NTN1: variants seen among roughly 807,000 people sequenced by gnomAD.
NTN1 encodes netrin 1.
Under a neutral mutation model 54.2 loss-of-function variants are expected in NTN1, and 11 were observed. The ratio of observed to expected loss-of-function variants is 0.20; its 90% CI spans 0.13 to 0.34. NTN1 has a LOEUF of 0.34. NTN1 is among the 10% of genes least tolerant of loss of function. The pLI is 1.00. For synonymous variants in NTN1, 371 were observed against 382.0 expected (o/e 0.97, Z 0.33); for missense variants, 740 against 893.1 (o/e 0.83, Z 2.18).
intron 2 of NTN1, among the ~76,000 whole-genome samples, chr17:9,126,496 A>G (rs2092247749): frequency 6.6e-6 from 1 of 152,032 alleles, no homozygotes; most frequent in Non-Finnish European, 1.5e-5. Flanking sequence ...GGGTGACAAG[A>G]GCGAAACTCC....
At chr17:9,216,816 G>T (rs1370743190) in intron 5 of NTN1, among the ~76,000 whole-genome samples, 1 of 152,216 alleles carries the variant, frequency 6.6e-6, no homozygotes, top group African/African-American at 2.4e-5. Flanking sequence ...GCCAAGGCGG[G>T]TGGATCATGA....
intron 2 of NTN1, among the ~76,000 whole-genome samples, chr17:9,137,277 T>A (rs1428180613): frequency 6.6e-6 from 1 of 152,190 alleles, no homozygotes; most frequent in Non-Finnish European, 1.5e-5. Context: ...GTCTCCTGTT[T>A]GTTCTGTATT....
chr17:9,145,082 A>T (rs907794218), intron 2 of NTN1, among the ~76,000 whole-genome samples: 1 of 152,220 alleles, frequency 6.6e-6, no homozygotes, highest in Admixed American at 6.5e-5. Flanking sequence ...AGGCAGGCGC[A>T]TGAAATCCGA....
chr17:9,068,730 A>G (rs1448356773), intron 2 of NTN1, among the ~76,000 whole-genome samples: 2 of 151,678 alleles, frequency 1.3e-5, no homozygotes, highest in African/African-American at 2.4e-5. Flanking sequence ...CTGGTCTCGA[A>G]CTCCTGACCT....
Position 9,211,962 on chromosome 17 carries a change from A to G in NTN1, c.1412-9206A>G, listed in dbSNP as rs1270541694. ...ACAAACATTTTGGGCTTGCTTCTAG[A>G]CCCTTACTTCCATAGGTTGCTAAGC... On this transcript the variant is annotated intron_variant, in intron 5 of 6. Coordinates refer to ENST00000173229, the MANE Select transcript of NTN1 (RefSeq NM_004822.3). This position sits in a 1 kb window ranked among gnomAD's most constrained non-coding sequence, Gnocchi z 4.4. 6.6e-6 allele frequency among the ~76,000 whole-genome samples: 1 copy of G among 152,076 alleles called. No individual in the cohort carries two copies. Among genetic ancestry groups the G allele is most frequent in the Non-Finnish European group, 1.5e-5 (1 of 68,010 alleles).
At chr17:9,124,776 C>T (rs935807162) in intron 2 of NTN1, among the ~76,000 whole-genome samples, 10 of 152,210 alleles carry the variant, frequency 6.6e-5, no homozygotes, top group African/African-American at 2.4e-4. Flanking sequence ...AGGGATTGAG[C>T]TCCCAAAACC....
upstream of NTN1, among the ~76,000 whole-genome samples, chr17:9,018,540 A>G (rs952273024): frequency 7.3e-5 from 11 of 150,240 alleles, no homozygotes; most frequent in African/African-American, 2.7e-4. Context: ...AGGCTGAGGC[A>G]GGAGAATCGC....
At chr17:9,132,076 A>G (rs1423636510) in intron 2 of NTN1, among the ~76,000 whole-genome samples, 1 of 151,734 alleles carries the variant, frequency 6.6e-6, no homozygotes, top group African/African-American at 2.4e-5. Context: ...CTCTGTTTCA[A>G]TACTCTGTCC....
At chr17:9,026,397 G>C (rs539661346) in intron 2 of NTN1, among the ~76,000 whole-genome samples, 6 of 150,334 alleles carry the variant, frequency 4.0e-5, no homozygotes, top group South Asian at 2.1e-4. Flanking sequence ...CTTCCGGGGG[G>C]GGGGAACAAA....
intron 2 of NTN1, among the ~76,000 whole-genome samples, chr17:9,122,367 C>T (rs2092234221): frequency 3.3e-5 from 5 of 152,204 alleles, no homozygotes; most frequent in Admixed American, 3.3e-4. Flanking sequence ...CAGCAACACT[C>T]CCCTAAACTC....
At position 9,022,591 on chromosome 17, in the gene NTN1, C is replaced by T. The variant is rs1370917223; in HGVS notation, c.218C>T (p.Pro73Leu). The T allele has an allele frequency of 8.4e-6, 13 of 1,545,912 alleles. No homozygotes were observed. The East Asian group carries it at 2.0e-4, about 23-fold the overall frequency. ...CGCGTGTCCAGCACCTGCGGCCGGC[C>T]CCCGGCGCGCTACTGCGTGGTGAGC... is the stretch of plus-strand genomic sequence containing the variant. Reference protein sequence around the residue: ...DVRVSSTCGRPPARYCVVSER... With the variant: ...DVRVSSTCGRLPARYCVVSER... Residue 73 changes from proline to leucine, a missense_variant, in exon 2 of 7, where the codon CCC becomes CTC. Transcript: ENST00000173229.
chr17:9,137,174 C>T (rs901747448), intron 2 of NTN1, among the ~76,000 whole-genome samples: 15 of 152,204 alleles, frequency 9.9e-5, no homozygotes, highest in African/African-American at 3.6e-4. Context: ...CTCTGCATTT[C>T]ATCCTATGTT....
intron 2 of NTN1, among the ~76,000 whole-genome samples, chr17:9,083,616 CTT>C (rs2092079882): frequency 6.6e-6 from 1 of 152,194 alleles, no homozygotes; most frequent in African/African-American, 2.4e-5. Context: ...TCTTGCTCAC[CTT>C]GGATGCTGTG....
chr17:9,035,759 T>C (rs1158893915), intron 2 of NTN1, among the ~76,000 whole-genome samples: 1 of 152,282 alleles, frequency 6.6e-6, no homozygotes, highest in East Asian at 1.9e-4. Flanking sequence ...TGGTGGATCA[T>C]GCCTATCATC....
chr17:9,192,367 G>C (rs539820013), intron 5 of NTN1, among the ~76,000 whole-genome samples: 4 of 152,308 alleles, frequency 2.6e-5, no homozygotes, highest in African/African-American at 9.6e-5. Flanking sequence ...ATAGTGCCAG[G>C]TGACAAAAAC....
At chr17:9,180,626 G>A (rs1044519394) in intron 4 of NTN1, among the ~76,000 whole-genome samples, 5 of 152,284 alleles carry the variant, frequency 3.3e-5, no homozygotes, top group East Asian at 1.9e-4. Flanking sequence ...CCGGAATGCC[G>A]GCATTCCCCC....
chr17:9,121,471 C>T (rs973529433), intron 2 of NTN1, among the ~76,000 whole-genome samples: 18 of 152,156 alleles, frequency 1.2e-4, no homozygotes, highest in South Asian at 2.1e-4. Flanking sequence ...CACTCACCCC[C>T]GGTGCTCCTT....
rs543316558 is a variant in NTN1 at position 9,225,723 on chromosome 17, A to G, written c.1486+4481A>G. Among the ~76,000 whole-genome samples the G allele has an allele frequency of 5.1e-3, 781 of 151,812 alleles. 11 individuals are homozygous for G. The highest frequency in any genetic ancestry group is 0.017 in the African/African-American group (715 of 41,508). On this transcript the variant is annotated intron_variant, in intron 6 of 6. Transcript: ENST00000173229. ...GGGAGGCCGCCAAACCGGGCGGGCC[A>G]GGGCGGGCCGGGCAGGGGCTCCCTC...
At chr17:9,070,882 G>A (rs754804850) in intron 2 of NTN1, among the ~76,000 whole-genome samples, 4 of 152,164 alleles carry the variant, frequency 2.6e-5, no homozygotes, top group Non-Finnish European at 4.4e-5. Context: ...ATGAGCCACC[G>A]CACCCGGTCC....
Sources: allele counts gnomAD v4.1 joint callset (sites outside exome capture counted in the v4.1 genomes callset), GRCh38; gene constraint gnomAD v4.1.1; non-coding constraint Gnocchi (gnomAD v3.1); transcripts MANE v1.5; gene names NCBI Gene and HGNC (gene_info 2026-07-23, HGNC 2026-07-21).